ATRNL1: variants seen among roughly 807,000 people sequenced by gnomAD.
ATRNL1 encodes the protein attractin like 1, also known as attractin-like protein 1.
Under a neutral mutation model 182.7 loss-of-function variants are expected in ATRNL1, and 95 were observed. The observed-to-expected ratio is 0.52, with a 90% CI of 0.44 to 0.62. The LOEUF (loss-of-function observed/expected upper bound fraction) is 0.62. ATRNL1 is among the 20% of genes least tolerant of loss of function. The pLI, the probability that ATRNL1 is intolerant of heterozygous loss-of-function variation, is 0.00. For synonymous variants in ATRNL1, 576 were observed against 568.3 expected (o/e 1.01, Z -0.19); for missense variants, 1,471 against 1,679.5 (o/e 0.88, Z 2.17).
At chr10:115,251,463 C>T (rs978428811) in intron 10 of ATRNL1, among the ~76,000 whole-genome samples, 12 of 152,124 alleles carry the variant, frequency 7.9e-5, no homozygotes, top group African/African-American at 2.2e-4. Flanking sequence ...CCATTTTGAG[C>T]TGGACCTTGT....
At chr10:115,843,115 T>C (rs1301589070) in intron 27 of ATRNL1, among the ~76,000 whole-genome samples, 6 of 152,110 alleles carry the variant, frequency 3.9e-5, no homozygotes, top group African/African-American at 1.2e-4. Flanking sequence ...CTCTTTCACT[T>C]ACCATGTGCA....
chr10:115,400,120 C>T (rs73365445), intron 20 of ATRNL1, among the ~76,000 whole-genome samples: 6,054 of 151,916 alleles, frequency 0.04, 374 homozygotes, highest in African/African-American at 0.14. Context: ...GCAAAGGACA[C>T]GAACAGACAC....
In ATRNL1 at chr10:115,759,841, A is replaced by T. The variant is rs75344576; in HGVS notation, c.3903+32486A>T. On this transcript the variant is annotated intron_variant, in intron 27 of 28. Transcript: ENST00000355044. ...CAGGTGTGCACCACCACACCTGGCTATTTTTTTTTTTTTTTTTTTTTTTTT... is the reference window on the plus strand; with the variant it reads ...CAGGTGTGCACCACCACACCTGGCTTTTTTTTTTTTTTTTTTTTTTTTTTT... Among the ~76,000 whole-genome samples the T allele has an allele frequency of 4.4e-3, 274 of 62,684 alleles. 3 individuals are homozygous for T. The highest frequency in any genetic ancestry group is 0.018 in the African/African-American group (257 of 14,012). The allele number at this position is 62,684 out of a possible 152,430, so 41.1% of individuals were successfully genotyped here.
At position 115,889,978 on chromosome 10, in the gene ATRNL1, T is replaced by TG. The variant is rs1952040326; in HGVS notation, c.4018+41992dup. 2.6e-5 allele frequency among the ~76,000 whole-genome samples: 4 copies of TG among 152,242 alleles called. 1 individual carries two copies. In the Middle Eastern group the frequency reaches 0.014, roughly 518 times the overall value. Reference sequence around the variant, plus strand: ...GATAATGTTTCTGGTGTGTGTGCATTGGGGGAGTGGTGGTTTCCAGATGAG... The same window carrying TG: ...GATAATGTTTCTGGTGTGTGTGCATTGGGGGGAGTGGTGGTTTCCAGATGAG... On this transcript the variant is annotated intron_variant, in intron 28 of 28. Transcript: ENST00000355044.
chr10:115,221,972 A>G (rs1388828938), intron 9 of ATRNL1, among the ~76,000 whole-genome samples: 1 of 152,146 alleles, frequency 6.6e-6, no homozygotes, highest in Non-Finnish European at 1.5e-5. Flanking sequence ...AAAGCTCGGA[A>G]GAAGATAAGA....
chr10:115,663,385 A>T (rs1273366812), intron 26 of ATRNL1, among the ~76,000 whole-genome samples: 1 of 152,132 alleles, frequency 6.6e-6, no homozygotes, highest in East Asian at 1.9e-4. Flanking sequence ...ATTTGTGCAT[A>T]CATAATATAA....
At chr10:115,148,621 C>T (rs1163364116) in intron 5 of ATRNL1, among the ~76,000 whole-genome samples, 2 of 151,892 alleles carry the variant, frequency 1.3e-5, no homozygotes, top group Admixed American at 6.6e-5. Flanking sequence ...AAATCGAAGA[C>T]GTGGACACAC....
intron 19 of ATRNL1, among the ~76,000 whole-genome samples, chr10:115,370,234 G>A (rs1434605592): frequency 6.6e-6 from 1 of 152,182 alleles, no homozygotes; most frequent in Non-Finnish European, 1.5e-5. Flanking sequence ...TTTATCGGCT[G>A]TGTCAAAATG....
chr10:115,405,940 G>A (rs1844808314), intron 20 of ATRNL1, among the ~76,000 whole-genome samples: 1 of 148,732 alleles, frequency 6.7e-6, no homozygotes, highest in Admixed American at 6.9e-5. Context: ...AGAACATGCG[G>A]TGTTTGTTTT....
chr10:115,300,547 GGAA>G (rs1451673486), intron 16 of ATRNL1, among the ~76,000 whole-genome samples: 1 of 151,878 alleles, frequency 6.6e-6, no homozygotes, highest in Non-Finnish European at 1.5e-5. Context: ...ATAGTGTTTG[GGAA>G]GAAGATTTGC....
intron 27 of ATRNL1, among the ~76,000 whole-genome samples, chr10:115,777,672 T>G (rs1949160799): frequency 6.6e-6 from 1 of 152,166 alleles, no homozygotes. Context: ...AACAGTTCAT[T>G]TAACAAAAAC....
chr10:115,414,340 T>A (rs1845286248), intron 20 of ATRNL1, among the ~76,000 whole-genome samples: 1 of 150,638 alleles, frequency 6.6e-6, no homozygotes, highest in African/African-American at 2.4e-5. Context: ...CTCCCTTCCT[T>A]TCTTCTTTCA....
chr10:115,298,103 G>T (rs1554923281), intron 15 of ATRNL1, among the ~76,000 whole-genome samples: 3 of 152,126 alleles, frequency 2.0e-5, no homozygotes, highest in African/African-American at 7.2e-5. Context: ...GGAGACTTCT[G>T]CAAGGTGACA....
At chr10:115,799,611 T>C (rs1478957680) in intron 27 of ATRNL1, among the ~76,000 whole-genome samples, 1 of 152,166 alleles carries the variant, frequency 6.6e-6, no homozygotes, top group Non-Finnish European at 1.5e-5. Flanking sequence ...TCAATTTTTA[T>C]GTTAGAGCAG....
At chr10:115,527,996 CCCTTCCTT>C (rs1256687871) in intron 25 of ATRNL1, among the ~76,000 whole-genome samples, 2,368 of 53,988 alleles carry the variant, frequency 0.044, 264 homozygotes, top group African/African-American at 0.22. Context: ...CTCCCTCCCT[CCCTTCCTT>C]CCTTCCTTCC....
At chr10:115,265,144 A>T in intron 10 of ATRNL1, 49 bp from the exon 11 acceptor site, 1 of 1,188,002 alleles carries the variant, frequency 8.4e-7, no homozygotes, top group Non-Finnish European at 1.2e-6. Context: ...TATTTGTCTT[A>T]GTTTATTCTT....
chr10:115,511,286 A>T (rs1303930637), intron 24 of ATRNL1, among the ~76,000 whole-genome samples: 1 of 151,900 alleles, frequency 6.6e-6, no homozygotes, highest in Non-Finnish European at 1.5e-5. Context: ...CTCCAATTTG[A>T]ATTTATTTAT....
intron 21 of ATRNL1, among the ~76,000 whole-genome samples, chr10:115,438,676 C>T (rs1242479374): frequency 6.6e-6 from 1 of 151,876 alleles, no homozygotes; most frequent in Non-Finnish European, 1.5e-5. Context: ...ACTACGGCTG[C>T]TAGACCAGTA....
chr10:115,919,760 G>A (rs1370571847), intron 28 of ATRNL1, among the ~76,000 whole-genome samples: 4 of 152,078 alleles, frequency 2.6e-5, no homozygotes, highest in Admixed American at 6.5e-5. Flanking sequence ...CTGAGGCTTC[G>A]AAGATCAAGG....
Sources: gnomAD v4.1 joint callset for allele counts (sites outside exome capture counted in the v4.1 genomes callset) on GRCh38, gnomAD v4.1.1 for gene constraint, MANE v1.5 for transcripts, NCBI Gene and HGNC (gene_info 2026-07-23, HGNC 2026-07-21) for gene names.